IL6R: variants seen among roughly 807,000 people sequenced by gnomAD.
IL6R encodes interleukin 6 receptor, also known as interleukin-6 receptor subunit alpha.
Under a neutral mutation model 48.3 loss-of-function variants are expected in IL6R, and 38 were observed. That is an observed-to-expected ratio of 0.79 (90% confidence interval 0.61 to 1.03). The LOEUF (loss-of-function observed/expected upper bound fraction) is 1.03, where lower values mean the gene tolerates loss of function less well. IL6R is among the 50% of genes least tolerant of loss of function. IL6R has a pLI of 0.00. For missense variants in IL6R, 534 were observed against 618.3 expected (o/e 0.86, Z 1.45); for synonymous variants, 264 against 256.2 (o/e 1.03, Z -0.29).
chr1:154,440,046 G>A (rs1472931626), intron 6 of IL6R, among the ~76,000 whole-genome samples: 1 of 152,102 alleles, frequency 6.6e-6, no homozygotes, highest in Non-Finnish European at 1.5e-5. Context: ...GAGATTACAG[G>A]CGCCTGCCAC....
chr1:154,453,381 C>G (rs1690697293), intron 8 of IL6R, among the ~76,000 whole-genome samples: 1 of 152,242 alleles, frequency 6.6e-6, no homozygotes, highest in African/African-American at 2.4e-5. Context: ...CTGCCTGACT[C>G]TAGTAGGCAT....
At chr1:154,454,232 C>T (rs1690746915) in intron 8 of IL6R, 1 of 520,346 alleles carries the variant, frequency 1.9e-6, no homozygotes, top group African/African-American at 1.9e-5. Flanking sequence ...AGGTGTCTCT[C>T]TTGCCAAGTG....
At chr1:154,409,448 A>T (rs1278495499) in intron 1 of IL6R, among the ~76,000 whole-genome samples, 1 of 152,212 alleles carries the variant, frequency 6.6e-6, no homozygotes, top group East Asian at 1.9e-4. Flanking sequence ...CTGCACTGCC[A>T]AGTAAAAATG....
Position 154,449,941 on chromosome 1 carries a change from A to C in IL6R, c.1027A>C (p.Ile343Leu). 1 of 1,610,704 alleles carries C rather than the reference A, an allele frequency of 6.2e-7. No homozygotes were observed. The highest frequency in any genetic ancestry group is 2.2e-5 in the East Asian group (1 of 44,858). Residue 343 changes from isoleucine (I) to leucine (L), a missense_variant, in exon 8 of 10, where the codon ATT becomes CTT. Transcript: ENST00000368485. ...TACTACTAATAAAGACGATGATAAT[A>C]TTCTCTTCAGAGATTCTGCAAATGC... The part of the protein sequence containing the change: ...ALTTNKDDDN[I>L]LFRDSANATS...
At chr1:154,448,875 C>CTTCT (rs55844786) in intron 7 of IL6R, among the ~76,000 whole-genome samples, 21,226 of 73,488 alleles carry the variant, frequency 0.29, 5,584 homozygotes, top group Admixed American at 0.39. Context: ...CTTGTAAGGG[C>CTTCT]TTTTTTTTTT....
chr1:154,463,336 T>C (rs530585444), intron 9 of IL6R, among the ~76,000 whole-genome samples: 1 of 152,340 alleles, frequency 6.6e-6, no homozygotes, highest in East Asian at 1.9e-4. Flanking sequence ...TCTCTTCCTG[T>C]GTGGTGTCCA....
intron 4 of IL6R, 93 bp downstream of exon 4, chr1:154,434,793 T>C: frequency 7.3e-7 from 1 of 1,371,738 alleles, no homozygotes; most frequent in Non-Finnish European, 1.0e-6. Flanking sequence ...AAGGGGTGGT[T>C]GAGGGGTTTG....
At chr1:154,435,383 C>T (rs557200743) in intron 5 of IL6R, among the ~76,000 whole-genome samples, 2 of 152,182 alleles carry the variant, frequency 1.3e-5, no homozygotes, top group Admixed American at 1.3e-4. Context: ...TGGTGGCGCA[C>T]GCCTGTATCC....
At chr1:154,460,431 A>G (rs1335443621) in intron 9 of IL6R, among the ~76,000 whole-genome samples, 1 of 19,240 alleles carries the variant, frequency 5.2e-5, no homozygotes, top group East Asian at 5.7e-3. Flanking sequence ...GTTACTTTGA[A>G]AAAAAAACTG....
At chr1:154,438,431 T>A (rs1425657221) in intron 6 of IL6R, among the ~76,000 whole-genome samples, 3 of 152,122 alleles carry the variant, frequency 2.0e-5, no homozygotes, top group African/African-American at 7.2e-5. Context: ...AATGGCTTCA[T>A]GGCTCACTTT....
chr1:154,453,163 C>G (rs1292515611), intron 8 of IL6R, among the ~76,000 whole-genome samples: 3 of 152,154 alleles, frequency 2.0e-5, no homozygotes, highest in Non-Finnish European at 2.9e-5. Context: ...GGAGATCACA[C>G]CACTGCACTC....
intron 1 of IL6R, among the ~76,000 whole-genome samples, chr1:154,423,281 A>G (rs979260764): frequency 5.6e-5 from 8 of 141,878 alleles, no homozygotes; most frequent in Non-Finnish European, 9.2e-5. Context: ...ATATATATAT[A>G]TATGTATTCA....
chr1:154,430,428 A>G (rs987597740), intron 2 of IL6R, 55 bp from the exon 3 acceptor site: 25 of 1,595,496 alleles, frequency 1.6e-5, no homozygotes, highest in Non-Finnish European at 2.0e-5. Flanking sequence ...CTGCGAGGTC[A>G]GTGCGCCCCA....
At chr1:154,458,455 C>CT (rs1438101454) in intron 9 of IL6R, among the ~76,000 whole-genome samples, 1 of 152,178 alleles carries the variant, frequency 6.6e-6, no homozygotes, top group Admixed American at 6.5e-5. Context: ...TTGCCTCACC[C>CT]TAGGTATACC....
In IL6R at chr1:154,462,989, A is replaced by G. The variant is rs969272140; in HGVS notation, c.1161-2145A>G. On this transcript the variant is annotated intron_variant, in intron 9 of 9. Coordinates refer to ENST00000368485, the MANE Select transcript of IL6R (RefSeq NM_000565.4). ...CACCCGGCTAATTCTTTTTTAGTAG[A>G]GACAGGGTTTTGCCACATTGGCCAG... Among the ~76,000 whole-genome samples, 8 of 151,882 alleles carry G rather than the reference A, an allele frequency of 5.3e-5. No homozygotes were observed. The East Asian group carries it at 1.6e-3, about 29-fold the overall frequency.
At chr1:154,430,153 C>T (rs1408294828) in intron 2 of IL6R, among the ~76,000 whole-genome samples, 3 of 152,086 alleles carry the variant, frequency 2.0e-5, no homozygotes, top group African/African-American at 7.2e-5. Flanking sequence ...TAGGACTTGC[C>T]CAAGGCCGCA....
rs767551479 is a variant in IL6R, at chr1:154,437,019, T to C, written c.949+909T>C. Among the ~76,000 whole-genome samples, 13 of 152,240 alleles carry C rather than the reference T, an allele frequency of 8.5e-5. 1 individual carries two copies. The highest frequency in any genetic ancestry group is 1.8e-4 in the Non-Finnish European group (12 of 68,040). On this transcript the variant is annotated intron_variant, in intron 6 of 9. Transcript: ENST00000368485. ...TATTCCCCATGTTGTCAATTACTTT[T>C]GGAAACTTATTATTTAGTAACTGCC...
intron 6 of IL6R, among the ~76,000 whole-genome samples, chr1:154,439,000 A>G (rs971492474): frequency 3.3e-5 from 5 of 152,050 alleles, no homozygotes; most frequent in African/African-American, 1.2e-4. Context: ...GGTAGATCGT[A>G]TTGACCTGTC....
intron 9 of IL6R, among the ~76,000 whole-genome samples, chr1:154,463,731 C>T (rs1372025427): frequency 6.6e-6 from 1 of 152,210 alleles, no homozygotes; most frequent in Non-Finnish European, 1.5e-5. Flanking sequence ...TTTGAAGATC[C>T]ATGTCACCAT....
Sources: allele counts gnomAD v4.1 joint callset (sites outside exome capture counted in the v4.1 genomes callset), GRCh38; gene constraint gnomAD v4.1.1; transcripts MANE v1.5; gene names NCBI Gene and HGNC (gene_info 2026-07-23, HGNC 2026-07-21).